TTLL6: variants seen among roughly 807,000 people sequenced by gnomAD.
TTLL6 encodes tubulin tyrosine ligase like 6.
A neutral mutation model predicts 96.4 loss-of-function variants in TTLL6; 75 were observed. The observed-to-expected ratio is 0.78, with a 90% CI of 0.65 to 0.94. TTLL6 has a LOEUF of 0.94. Ranked by LOEUF, TTLL6 falls within the 40% of genes least tolerant of loss-of-function variation. The pLI is 0.00. For missense variants in TTLL6, 1,030 were observed against 1,093.0 expected, an observed-to-expected ratio of 0.94 and a Z score of 0.81; for synonymous variants, 411 against 419.4, an observed-to-expected ratio of 0.98 and a Z score of 0.24.
chr17:48,786,702 C>T (rs947859038), intron 11 of TTLL6, among the ~76,000 whole-genome samples: 15 of 152,124 alleles, frequency 9.9e-5, no homozygotes, highest in Non-Finnish European at 2.1e-4. Flanking sequence ...TCTCATATTG[C>T]GCCATTTCAT....
chr17:48,804,686 C>G lies in TTLL6; in HGVS notation c.323+86G>C. ...CAGCACACAGTTTCTCCTTTACTCTCTCATCATCAGCCAAGACCCCCTTCC... is the reference window on the plus strand; with the variant it reads ...CAGCACACAGTTTCTCCTTTACTCTGTCATCATCAGCCAAGACCCCCTTCC... On this transcript the variant is annotated intron_variant, in intron 2 of 15. Coordinates refer to ENST00000393382, the MANE Select transcript of TTLL6 (RefSeq NM_001130918.3). 4 of 1,161,356 alleles carry G rather than the reference C, an allele frequency of 3.4e-6. No individual in the cohort carries two copies. The South Asian group carries it at 5.4e-5, about 16-fold the overall frequency. The allele number at this position is 1,161,356 out of a possible 1,614,324, so 71.9% of individuals were successfully genotyped here.
At chr17:48,804,304 G>A (rs9901866) in intron 2 of TTLL6, 3 of 492,006 alleles carry the variant, frequency 6.1e-6, no homozygotes, top group East Asian at 5.9e-5. Flanking sequence ...ATTAAGGGAA[G>A]CTATGAATAA....
intron 15 of TTLL6, among the ~76,000 whole-genome samples, chr17:48,763,838 A>C (rs1263785504): frequency 6.6e-6 from 1 of 151,764 alleles, no homozygotes; most frequent in Non-Finnish European, 1.5e-5. Flanking sequence ...AAAAAAACAG[A>C]AAGAAAAAGT....
At chr17:48,789,331 T>A (rs1200848218) in intron 10 of TTLL6, among the ~76,000 whole-genome samples, 1 of 152,252 alleles carries the variant, frequency 6.6e-6, no homozygotes, top group Non-Finnish European at 1.5e-5. Context: ...TTTGTTAAAA[T>A]GACCCCCTCC....
intron 8 of TTLL6, among the ~76,000 whole-genome samples, chr17:48,792,011 T>TG: frequency 6.6e-6 from 1 of 152,296 alleles, no homozygotes; most frequent in East Asian, 1.9e-4. Context: ...AGAACACTGA[T>TG]GCCTGGGTCC....
chr17:48,769,338 G>A (rs1400024473), intron 14 of TTLL6, 84 bp from the exon 15 acceptor site: 5 of 1,472,598 alleles, frequency 3.4e-6, no homozygotes, highest in Non-Finnish European at 4.5e-6. Flanking sequence ...TCCCAGTAGG[G>A]TCCCATGGCC....
At chr17:48,789,889 G>A in intron 10 of TTLL6, 42 bp downstream of exon 10, 3 of 1,601,584 alleles carry the variant, frequency 1.9e-6, no homozygotes, top group Non-Finnish European at 2.6e-6. Context: ...GAGCAGGGGA[G>A]TCAGAGAGAG....
intron 13 of TTLL6, among the ~76,000 whole-genome samples, chr17:48,783,371 T>A (rs1189940029): frequency 6.6e-6 from 1 of 152,162 alleles, no homozygotes; most frequent in Admixed American, 6.6e-5. Context: ...ATGTGGCAAC[T>A]TCGTTTCTGC....
At chr17:48,805,687 A>G (rs1567735773) in intron 1 of TTLL6, among the ~76,000 whole-genome samples, 1 of 152,198 alleles carries the variant, frequency 6.6e-6, no homozygotes. Context: ...AAAATGCCAA[A>G]TATCGCCAGG....
chr17:48,772,288 C>G (rs1473800902), intron 13 of TTLL6, among the ~76,000 whole-genome samples: 3 of 151,882 alleles, frequency 2.0e-5, no homozygotes, highest in Non-Finnish European at 4.4e-5. Flanking sequence ...AGTTCCAGAC[C>G]AGGCTGGGCA....
chr17:48,798,403 C>A (rs563846142), intron 6 of TTLL6, among the ~76,000 whole-genome samples: 1 of 152,208 alleles, frequency 6.6e-6, no homozygotes, highest in East Asian at 1.9e-4. Flanking sequence ...CCCGTCTCTA[C>A]TAAAAATACA....
At chr17:48,783,740 T>C (rs1479352408) in intron 13 of TTLL6, among the ~76,000 whole-genome samples, 1 of 152,208 alleles carries the variant, frequency 6.6e-6, no homozygotes, top group Non-Finnish European at 1.5e-5. Flanking sequence ...TTTTATTTAT[T>C]TAAATTTTAT....
intron 6 of TTLL6, among the ~76,000 whole-genome samples, chr17:48,799,282 T>C (rs1295452318): frequency 6.6e-6 from 1 of 152,238 alleles, no homozygotes; most frequent in African/African-American, 2.4e-5. Flanking sequence ...GAAAAGCTGA[T>C]TGCTCTCCAG....
intron 12 of TTLL6, 129 bp from the exon 13 acceptor site, chr17:48,785,330 C>T: frequency 7.4e-7 from 1 of 1,356,426 alleles, no homozygotes; most frequent in Non-Finnish European, 9.9e-7. Flanking sequence ...TAAAGTCTCT[C>T]TAATGTGGGG....
intron 5 of TTLL6, chr17:48,799,983 C>G: frequency 1.8e-6 from 1 of 550,252 alleles, no homozygotes; most frequent in Non-Finnish European, 3.3e-6. Context: ...AGCAACACCA[C>G]TTACCAGTGG....
intron 15 of TTLL6, among the ~76,000 whole-genome samples, chr17:48,766,669 A>C (rs1189330962): frequency 1.3e-5 from 2 of 152,152 alleles, no homozygotes; most frequent in Non-Finnish European, 1.5e-5. Context: ...TTCGAGAACA[A>C]CTTGTCCAAC....
intron 6 of TTLL6, 35 bp from the exon 7 acceptor site, chr17:48,797,239 G>C: frequency 6.6e-7 from 1 of 1,526,224 alleles, no homozygotes; most frequent in Admixed American, 2.1e-5. Flanking sequence ...ACATGCATTA[G>C]AGGAGAAATT....
chr17:48,779,960 T>C (rs957681893), intron 13 of TTLL6, among the ~76,000 whole-genome samples: 1 of 152,066 alleles, frequency 6.6e-6, no homozygotes, highest in African/African-American at 2.4e-5. Context: ...GGAAACTTTC[T>C]GGAGATATCA....
At chr17:48,812,719 AG>A (rs2039613700) in intron 1 of TTLL6, among the ~76,000 whole-genome samples, 1 of 152,208 alleles carries the variant, frequency 6.6e-6, no homozygotes, top group Non-Finnish European at 1.5e-5. Context: ...TGTCTAGAAA[AG>A]ATACTAAAAA....
Sources: allele counts gnomAD v4.1 joint callset (sites outside exome capture counted in the v4.1 genomes callset), GRCh38; gene constraint gnomAD v4.1.1; transcripts MANE v1.5; gene names NCBI Gene and HGNC (gene_info 2026-07-23, HGNC 2026-07-21).